PMS1: variants seen among roughly 807,000 people sequenced by gnomAD.
PMS1 encodes the protein PMS1 homolog 1, mismatch repair system component.
PMS1 carries 79 observed loss-of-function variants against 93.1 expected under a neutral mutation model. The observed-to-expected ratio is 0.85, with a 90% CI of 0.71 to 1.02. The LOEUF is 1.02. Among genes scored for constraint, PMS1 ranks in the 50% least tolerant of loss-of-function variants. PMS1 has a pLI of 0.00. For synonymous variants in PMS1, 335 were observed against 363.4 expected (o/e 0.92, Z 0.89); for missense variants, 1,064 against 1,085.3 (o/e 0.98, Z 0.28).
chr2:189,805,650 A>G lies in PMS1; in HGVS notation c.316-2A>G, dbSNP rs760336651. On this transcript the variant is annotated splice_acceptor_variant, in intron 3 of 12. Transcript: ENST00000441310. LOFTEE classifies it high-confidence loss of function. ...GTTTTATTAGATGTTTTTTTCCCCC[A>G]GGTTTTAATTACAACAAGAACGGCT... is the stretch of plus-strand genomic sequence containing the variant. 1.9e-6 allele frequency: 3 copies of G among 1,612,286 alleles called. No homozygotes were observed.
Position 189,854,472 on chromosome 2 carries a change from A to C in PMS1, c.1200A>C (p.Gly400=), listed in dbSNP as rs1178545632. 9.3e-6 allele frequency: 15 copies of C among 1,613,570 alleles called. No homozygotes were observed. The Middle Eastern group carries it at 5.0e-4, about 53-fold the overall frequency. ...FQNDMHNDES[G]KNTDDCLNHQ... ...ATGATATGCATAATGATGAATCTGG[A>C]AAAAACACTGATGATTGTTTAAATC... is the stretch of plus-strand genomic sequence containing the variant. The change falls in exon 9 of 13, where the codon GGA becomes GGC. Residue 400 remains glycine, a synonymous_variant. Coordinates refer to ENST00000441310, the MANE Select transcript of PMS1 (RefSeq NM_000534.5).
Position 189,796,614 on chromosome 2 carries a change from T to A in PMS1, c.315+663T>A, listed in dbSNP as rs1029182237. The stretch of plus-strand genomic sequence containing the variant: ...TTCTAGGTATCACATATAAGTGGAC[T>A]CATAAAATATTTGTTCTTTTGTATC... On this transcript the variant is annotated intron_variant, in intron 3 of 12. Coordinates refer to ENST00000441310, the MANE Select transcript of PMS1 (RefSeq NM_000534.5). Among the ~76,000 whole-genome samples, 3 of 152,334 alleles carry A rather than the reference T, an allele frequency of 2.0e-5. No homozygotes were observed. In the South Asian group the frequency reaches 6.2e-4, roughly 32 times the overall value.
intron 4 of PMS1, among the ~76,000 whole-genome samples, chr2:189,813,845 T>G (rs1167969632): frequency 6.6e-6 from 1 of 152,220 alleles, no homozygotes; most frequent in Non-Finnish European, 1.5e-5. Context: ...TAATTGGAAG[T>G]GTTTTTTTCT....
chr2:189,798,596 A>G (rs949005234), intron 3 of PMS1, among the ~76,000 whole-genome samples: 4 of 152,190 alleles, frequency 2.6e-5, no homozygotes, highest in Non-Finnish European at 4.4e-5. Flanking sequence ...CCTCAAGACT[A>G]TAAATGGGAA....
chr2:189,827,267 A>G (rs1450081563), intron 5 of PMS1, among the ~76,000 whole-genome samples: 1 of 152,210 alleles, frequency 6.6e-6, no homozygotes, highest in African/African-American at 2.4e-5. Flanking sequence ...ACATTTCTCT[A>G]TTCCAACACT....
chr2:189,872,307 T>C (rs1244373659), intron 11 of PMS1, among the ~76,000 whole-genome samples: 1 of 152,206 alleles, frequency 6.6e-6, no homozygotes, highest in Non-Finnish European at 1.5e-5. Context: ...ATGTAGTCTG[T>C]AATTGGGAAC....
intron 11 of PMS1, among the ~76,000 whole-genome samples, chr2:189,872,725 T>C (rs1171971008): frequency 6.6e-6 from 1 of 152,154 alleles, no homozygotes; most frequent in African/African-American, 2.4e-5. Flanking sequence ...CTGTGCCTCC[T>C]GGGATCAAGT....
intron 9 of PMS1, among the ~76,000 whole-genome samples, chr2:189,862,272 C>A (rs925015072): frequency 6.6e-6 from 1 of 151,992 alleles, no homozygotes; most frequent in African/African-American, 2.4e-5. Flanking sequence ...TTAAGCCTAC[C>A]CGGTGAATAT....
chr2:189,804,743 A>C (rs933500360), intron 3 of PMS1, among the ~76,000 whole-genome samples: 14 of 152,116 alleles, frequency 9.2e-5, no homozygotes, highest in Admixed American at 8.5e-4. Flanking sequence ...TGTCTAAATT[A>C]TATAGATTTA....
chr2:189,817,953 C>T (rs1253071810), intron 4 of PMS1, 64 bp from the exon 5 acceptor site: 24 of 1,213,534 alleles, frequency 2.0e-5, no homozygotes, highest in Middle Eastern at 2.1e-4. Flanking sequence ...AAATTGTATA[C>T]GGATTTGAAG....
At chr2:189,855,400 C>T (rs1243246821) in intron 9 of PMS1, among the ~76,000 whole-genome samples, 1 of 150,450 alleles carries the variant, frequency 6.6e-6, no homozygotes, top group African/African-American at 2.4e-5. Flanking sequence ...AAAGGTTTTC[C>T]ATTCATCTTC....
intron 4 of PMS1, among the ~76,000 whole-genome samples, chr2:189,809,704 G>A (rs1308727460): frequency 6.6e-6 from 1 of 151,790 alleles, no homozygotes; most frequent in East Asian, 1.9e-4. Context: ...AATTAGCCAG[G>A]CATGGGGGCG....
At chr2:189,833,017 A>G (rs1182222097) in intron 5 of PMS1, among the ~76,000 whole-genome samples, 1 of 152,220 alleles carries the variant, frequency 6.6e-6, no homozygotes, top group East Asian at 1.9e-4. Context: ...TCTTGAAAAC[A>G]GAATGTTACA....
intron 4 of PMS1, among the ~76,000 whole-genome samples, chr2:189,814,344 G>A (rs2051090419): frequency 6.6e-6 from 1 of 151,618 alleles, no homozygotes; most frequent in Non-Finnish European, 1.5e-5. Flanking sequence ...AATGTTATAT[G>A]CTAATGAGGC....
chr2:189,866,323 TAA>T (rs2056654252), intron 10 of PMS1, among the ~76,000 whole-genome samples: 3 of 152,166 alleles, frequency 2.0e-5, no homozygotes, highest in Non-Finnish European at 4.4e-5. Flanking sequence ...ACAAATACAT[TAA>T]AAACTATTAT....
intron 4 of PMS1, among the ~76,000 whole-genome samples, chr2:189,811,800 A>G (rs1375327957): frequency 1.3e-5 from 2 of 152,218 alleles, no homozygotes; most frequent in Admixed American, 1.3e-4. Context: ...TTGTTAAGGC[A>G]GTGTATTATA....
In PMS1 at chr2:189,855,101, A is replaced by G. The variant is rs1167492020; in HGVS notation, c.1829A>G (p.Lys610Arg). Residue 610 changes from lysine to arginine, a missense_variant, in exon 9 of 13, where the codon AAG becomes AGG. Transcript: ENST00000441310. ...DATLQIEELWKTLSEEEKLKY... is the reference protein window; with the variant it reads ...DATLQIEELWRTLSEEEKLKY... ...ACACTACAAATTGAAGAACTGTGGAAGACATTGAGTGAAGAGGAAAAACTG... is the reference window on the plus strand; with the variant it reads ...ACACTACAAATTGAAGAACTGTGGAGGACATTGAGTGAAGAGGAAAAACTG... 3.1e-6 allele frequency: 5 copies of G among 1,613,472 alleles called. No individual in the cohort carries two copies. The highest frequency in any genetic ancestry group is 4.2e-6 in the Non-Finnish European group (5 of 1,179,576).
chr2:189,822,892 A>G (rs1197891677), intron 5 of PMS1, among the ~76,000 whole-genome samples: 3 of 152,178 alleles, frequency 2.0e-5, no homozygotes, highest in Non-Finnish European at 4.4e-5. Flanking sequence ...ACAAGGCTCC[A>G]CTCTTCCTAG....
At chr2:189,834,377 A>C (rs1253897361) in intron 5 of PMS1, among the ~76,000 whole-genome samples, 2 of 152,240 alleles carry the variant, frequency 1.3e-5, no homozygotes, top group African/African-American at 4.8e-5. Context: ...TGTGTATCTT[A>C]CATGGGAATG....
Sources: allele counts gnomAD v4.1 joint callset (sites outside exome capture counted in the v4.1 genomes callset), GRCh38; gene constraint gnomAD v4.1.1; transcripts MANE v1.5; gene names NCBI Gene and HGNC (gene_info 2026-07-23, HGNC 2026-07-21).